The following CENPI variants were observed in gnomAD, a reference collection of about 807,000 sequenced individuals.
CENPI encodes FSH primary response 1.
In CENPI, 4 loss-of-function variants were observed where a neutral mutation model predicts 60.4. That is an observed-to-expected ratio of 0.07 (90% CI 0.03 to 0.15). The LOEUF (loss-of-function observed/expected upper bound fraction) is 0.15, where lower values mean the gene tolerates loss of function less well. CENPI is among the 10% of genes least tolerant of loss of function. CENPI has a pLI of 1.00. For missense variants in CENPI, 444 were observed against 534.5 expected (o/e 0.83, Z 1.67); for synonymous variants, 157 against 189.4 (o/e 0.83, Z 1.40).
chrX:101,157,275 T>C (rs1317307544), intron 20 of CENPI, among the ~76,000 whole-genome samples: 2 of 111,577 alleles, frequency 1.8e-5, no homozygotes, highest in African/African-American at 3.3e-5. Context: ...AAACTAGTTA[T>C]CACTATCCCT....
the CENPI span, among the ~76,000 whole-genome samples, chrX:101,171,951 C>T: frequency 1.8e-5 from 2 of 111,209 alleles, no homozygotes; most frequent in African/African-American, 6.5e-5. Context: ...TATTTTATTC[C>T]GAATATATAA....
chrX:101,138,361 C>T (rs1438070081), intron 15 of CENPI, among the ~76,000 whole-genome samples: 39 of 105,209 alleles, frequency 3.7e-4, no homozygotes, highest in Non-Finnish European at 6.2e-4. Context: ...TTTTTTGATA[C>T]GGAGTCTCAC....
chrX:101,106,417 C>CT (rs148918897), intron 4 of CENPI, among the ~76,000 whole-genome samples: 251 of 95,400 alleles, frequency 2.6e-3, no homozygotes, highest in African/African-American at 4.9e-3. Flanking sequence ...TCTATGACAT[C>CT]TTTTTTTTTT....
chrX:101,172,274 G>A, the CENPI span, among the ~76,000 whole-genome samples: 1 of 111,827 alleles, frequency 8.9e-6, no homozygotes, highest in Non-Finnish European at 1.9e-5. Context: ...ACATAGAGTA[G>A]TCATATGAGC....
chrX:101,147,164 A>G (rs1042520435), intron 18 of CENPI, among the ~76,000 whole-genome samples: 1 of 111,263 alleles, frequency 9.0e-6, no homozygotes, highest in Non-Finnish European at 1.9e-5. Flanking sequence ...TTTTTTTTAC[A>G]TTAGGAAAAC....
chrX:101,118,463 T>C (rs2148168278), intron 6 of CENPI, among the ~76,000 whole-genome samples: 1 of 112,302 alleles, frequency 8.9e-6, no homozygotes, highest in Admixed American at 9.5e-5. Flanking sequence ...ACATACTTTG[T>C]AAAGAATAGG....
chrX:101,145,787 A>G (rs776080409), intron 17 of CENPI, among the ~76,000 whole-genome samples: 1 of 109,821 alleles, frequency 9.1e-6, no homozygotes, highest in South Asian at 4.0e-4. Flanking sequence ...TGTGTTATGC[A>G]TTTGCTTAGA....
chrX:101,175,434 T>C, the CENPI span, among the ~76,000 whole-genome samples: 1 of 112,170 alleles, frequency 8.9e-6, no homozygotes, highest in Admixed American at 9.5e-5. Context: ...AAGAAAATGA[T>C]CCTACCACTT....
intron 20 of CENPI, among the ~76,000 whole-genome samples, chrX:101,156,892 C>T (rs2090057915): frequency 9.0e-6 from 1 of 111,243 alleles, no homozygotes; most frequent in Non-Finnish European, 1.9e-5. Context: ...TTTATTTACC[C>T]ACTCATTGAT....
At chrX:101,120,716 G>A (rs774938640) in intron 7 of CENPI, 22 bp from the exon 8 acceptor site, 10 of 1,196,081 alleles carry the variant, frequency 8.4e-6, no homozygotes, top group Admixed American at 4.4e-5. Flanking sequence ...TGCATAGTAC[G>A]TCTTTCCTTT....
At chrX:101,149,758 CG>C (rs1362647208) in intron 20 of CENPI, among the ~76,000 whole-genome samples, 2 of 110,819 alleles carry the variant, frequency 1.8e-5, no homozygotes, top group Non-Finnish European at 3.8e-5. Context: ...CTGCCTGCCT[CG>C]GCCTCCCAAA....
At chrX:101,109,635 T>C (rs766027764) in intron 5 of CENPI, 44 bp downstream of exon 5, 1 of 1,002,854 alleles carries the variant, frequency 1.0e-6, no homozygotes, top group Non-Finnish European at 1.4e-6. Context: ...TCAGAACCAC[T>C]TAAGGGCTGG....
the CENPI span, among the ~76,000 whole-genome samples, chrX:101,178,398 CTTTTTTTTTTT>C: frequency 2.5e-4 from 10 of 39,976 alleles, no homozygotes; most frequent in African/African-American, 7.8e-4. Flanking sequence ...TTTTCTTCTT[CTTTTTTTTTTT>C]TTTTTTTTTT....
chrX:101,155,179 C>T lies in CENPI; in HGVS notation c.2095-6349C>T, dbSNP rs149139740. Reference sequence around the variant, plus strand: ...TTTGTCAGGTTGGGGAACTGCCCTTCTATTTCCAGTTTGTTGAGTGGTGTT... The same window carrying T: ...TTTGTCAGGTTGGGGAACTGCCCTTTTATTTCCAGTTTGTTGAGTGGTGTT... On this transcript the variant is annotated intron_variant, in intron 20 of 21. Transcript: ENST00000682095. 9.9e-5 allele frequency among the ~76,000 whole-genome samples: 11 copies of T among 110,886 alleles called. 1 individual carries two copies. Among genetic ancestry groups the T allele is most frequent in the African/African-American group, 3.6e-4 (11 of 30,580 alleles).
intron 17 of CENPI, among the ~76,000 whole-genome samples, chrX:101,145,892 C>T (rs749937332): frequency 6.4e-5 from 7 of 109,808 alleles, no homozygotes; most frequent in African/African-American, 2.0e-4. Flanking sequence ...TTAATCTACC[C>T]TGTCCCCCTA....
chrX:101,148,050 A>G lies in CENPI; in HGVS notation c.1983A>G (p.Ile661Met). The change falls in exon 20 of 22, where the codon ATA becomes ATG. Residue 661 changes from isoleucine to methionine, a missense_variant. Physicochemically the swap from Ile to Met is conservative, Grantham distance 10 (BLOSUM62 1). Coordinates refer to ENST00000682095, the MANE Select transcript of CENPI (RefSeq NM_001386188.2). ...CGTCCAAACCCTTTGGGAAAGGAAT[A>G]TATATTGACCCTGAAATCCTAGAAA... ...LWTSKPFGKG[I>M]YIDPEILEKT... 3.4e-6 allele frequency: 4 copies of G among 1,182,096 alleles called. No homozygotes were observed. The highest frequency in any genetic ancestry group is 3.5e-5 in the African/African-American group (2 of 56,530).
intron 20 of CENPI, among the ~76,000 whole-genome samples, chrX:101,153,930 T>A (rs1465777016): frequency 8.9e-6 from 1 of 112,038 alleles, no homozygotes; most frequent in Admixed American, 9.6e-5. Flanking sequence ...ATTTTATCTC[T>A]TGTATATGTT....
At chrX:101,129,471 C>G (rs2089772384) in intron 12 of CENPI, among the ~76,000 whole-genome samples, 1 of 110,973 alleles carries the variant, frequency 9.0e-6, no homozygotes, top group African/African-American at 3.3e-5. Context: ...TTACTGGATA[C>G]TGGATAAGCA....
chrX:101,121,165 C>T (rs1254852569), intron 8 of CENPI, among the ~76,000 whole-genome samples: 1 of 111,211 alleles, frequency 9.0e-6, no homozygotes, highest in African/African-American at 3.3e-5. Flanking sequence ...CGTAAGCCAC[C>T]GCGCCTGGCC....
Sources: gnomAD v4.1 joint callset for allele counts (sites outside exome capture counted in the v4.1 genomes callset) on GRCh38, gnomAD v4.1.1 for gene constraint, MANE v1.5 for transcripts, NCBI Gene and HGNC (gene_info 2026-07-23, HGNC 2026-07-21) for gene names.